The following MAP2K2 variants were observed in gnomAD, a reference collection of about 807,000 sequenced individuals.
MAP2K2 encodes mitogen-activated protein kinase kinase 2, also known as dual specificity mitogen-activated protein kinase kinase 2.
MAP2K2 carries 24 observed loss-of-function variants against 43.7 expected under a neutral mutation model. That is an observed-to-expected ratio of 0.55 (90% CI 0.40 to 0.77). The LOEUF is 0.77. Ranked by LOEUF, MAP2K2 falls within the 30% of genes least tolerant of loss-of-function variation. The probability of loss-of-function intolerance (pLI) is 0.00; values close to 1 mark genes in which losing one functional copy is unlikely to be tolerated. For missense variants in MAP2K2, 470 were observed against 566.8 expected, an observed-to-expected ratio of 0.83 and a Z score of 1.73; for synonymous variants, 244 against 239.7, an observed-to-expected ratio of 1.02 and a Z score of -0.17.
intron 8 of MAP2K2, 39 bp from the exon 9 acceptor site, chr19:4,095,488 T>A (rs1223649006): frequency 6.6e-7 from 1 of 1,523,612 alleles, no homozygotes. Flanking sequence ...GCCCTGGGCA[T>A]CGTCAGGGAC....
chr19:4,122,908 C>A (rs2041319160), intron 1 of MAP2K2, among the ~76,000 whole-genome samples: 1 of 151,604 alleles, frequency 6.6e-6, no homozygotes, highest in African/African-American at 2.4e-5. Flanking sequence ...AGGGACCCTA[C>A]CCCATCTCAG....
intron 3 of MAP2K2, chr19:4,103,152 C>A: frequency 2.0e-6 from 2 of 992,574 alleles, no homozygotes; most frequent in Non-Finnish European, 2.4e-6. Context: ...GTGACGGTAA[C>A]CTCGGCCCCT....
rs764715427 is a variant in MAP2K2, at chr19:4,115,552, C to A, written c.303+1867G>T. Among the ~76,000 whole-genome samples the A allele has an allele frequency of 2.6e-4, 39 of 152,298 alleles. No individual in the cohort carries two copies. The highest frequency in any genetic ancestry group is 3.1e-4 in the Non-Finnish European group (21 of 68,032). On this transcript the variant is annotated intron_variant, in intron 2 of 10. Transcript: ENST00000262948. This position sits in a 1 kb window ranked among gnomAD's most constrained non-coding sequence, Gnocchi z 4.1. Reference sequence around the variant, plus strand: ...CGGGCGGAGGCGGACCTGAGCTTTCCAAGGCTGCTCCGGTTTGGAAGAGGC... The same window carrying A: ...CGGGCGGAGGCGGACCTGAGCTTTCAAAGGCTGCTCCGGTTTGGAAGAGGC...
rs1460733952 is a variant in MAP2K2, at chr19:4,101,540, A to G, written c.529-260T>C. On this transcript the variant is annotated intron_variant, in intron 4 of 10. Coordinates refer to ENST00000262948, the MANE Select transcript of MAP2K2 (RefSeq NM_030662.4). The surrounding 1 kb of genome is among the most constrained non-coding windows in gnomAD (Gnocchi z 6.3). ...CCGATGCCACTACTGCCTTTGATTC[A>G]GAGCACACGGCTTAGCCCCAGGGAA... is the stretch of plus-strand genomic sequence containing the variant. Among the ~76,000 whole-genome samples the G allele has an allele frequency of 6.6e-6, 1 of 152,178 alleles. No homozygotes were observed. The highest frequency in any genetic ancestry group is 1.5e-5 in the Non-Finnish European group (1 of 68,018).
intron 1 of MAP2K2, among the ~76,000 whole-genome samples, chr19:4,118,504 G>A (rs748510518): frequency 1.3e-5 from 2 of 152,134 alleles, no homozygotes; most frequent in Admixed American, 6.6e-5. Context: ...GCTTGAACCC[G>A]GGAGGGGGAG....
At chr19:4,118,416 G>C (rs1373129585) in intron 1 of MAP2K2, among the ~76,000 whole-genome samples, 1 of 152,130 alleles carries the variant, frequency 6.6e-6, no homozygotes, top group Non-Finnish European at 1.5e-5. Context: ...AGAAGGCTCA[G>C]CACAAAAGCT....
At chr19:4,095,269 G>T in intron 9 of MAP2K2, 119 bp downstream of exon 9, 1 of 870,462 alleles carries the variant, frequency 1.1e-6, no homozygotes, top group Non-Finnish European at 1.8e-6. Flanking sequence ...GCTGAGTCCT[G>T]CCTAACGCTG....
intron 3 of MAP2K2, among the ~76,000 whole-genome samples, chr19:4,109,356 G>C (rs2041127704): frequency 6.6e-6 from 1 of 152,188 alleles, no homozygotes; most frequent in Admixed American, 6.5e-5. Flanking sequence ...TGGTCCCACA[G>C]ATCTGAGCTG....
intron 2 of MAP2K2, 104 bp downstream of exon 2, chr19:4,117,315 A>G: frequency 9.3e-7 from 1 of 1,075,928 alleles, no homozygotes; most frequent in Non-Finnish European, 1.4e-6. Context: ...CAGAGCCTGG[A>G]GCTAATCAGA....
At chr19:4,111,161 G>T (rs973447114) in intron 2 of MAP2K2, among the ~76,000 whole-genome samples, 7 of 152,170 alleles carry the variant, frequency 4.6e-5, no homozygotes, top group Non-Finnish European at 1.0e-4. Flanking sequence ...TGCTGATGTG[G>T]ACAGGGTTCT....
At chr19:4,091,219 G>C (rs916062782) in intron 10 of MAP2K2, among the ~76,000 whole-genome samples, 1 of 152,232 alleles carries the variant, frequency 6.6e-6, no homozygotes, top group Non-Finnish European at 1.5e-5. Flanking sequence ...AGAACTCCGC[G>C]AAGAGCATTG....
chr19:4,102,088 A>G (rs1372726403), intron 4 of MAP2K2, among the ~76,000 whole-genome samples: 3 of 152,160 alleles, frequency 2.0e-5, no homozygotes, highest in Non-Finnish European at 4.4e-5. Flanking sequence ...CCAGCTGCCA[A>G]CATCCCCCTG....
intron 6 of MAP2K2, chr19:4,099,773 C>T: frequency 3.0e-6 from 1 of 334,560 alleles, no homozygotes; most frequent in East Asian, 4.9e-5. Context: ...TGCTGAATCC[C>T]CAGTCGTTTC....
chr19:4,094,927 C>T (rs575993968), intron 9 of MAP2K2: 11 of 361,090 alleles, frequency 3.0e-5, no homozygotes, highest in African/African-American at 6.0e-5. Context: ...CTGTGGGCAG[C>T]GGGGTGTCCG....
chr19:4,115,242 A>G lies in MAP2K2; in HGVS notation c.303+2177T>C, dbSNP rs1227798161. Among the ~76,000 whole-genome samples the G allele has an allele frequency of 1.3e-5, 2 of 152,100 alleles. No homozygotes were observed. The highest frequency in any genetic ancestry group is 2.4e-5 in the African/African-American group (1 of 41,432). The stretch of plus-strand genomic sequence containing the variant: ...GGGACATCTCCACCCACCAGACCAC[A>G]GAACCTGCCCAGCCACGCCTGCCCT... On this transcript the variant is annotated intron_variant, in intron 2 of 10. Coordinates refer to ENST00000262948, the MANE Select transcript of MAP2K2 (RefSeq NM_030662.4). The surrounding 1 kb of genome is among the most constrained non-coding windows in gnomAD (Gnocchi z 4.1).
intron 7 of MAP2K2, among the ~76,000 whole-genome samples, chr19:4,098,946 T>C (rs1568252075): frequency 6.6e-6 from 1 of 152,248 alleles, no homozygotes; most frequent in African/African-American, 2.4e-5. Context: ...GTGGCAAAGC[T>C]GCGCTCCCAG....
At position 4,101,903 on chromosome 19, in the gene MAP2K2, G is replaced by A. The variant is rs1314184177; in HGVS notation, c.528+473C>T. On this transcript the variant is annotated intron_variant, in intron 4 of 10. Coordinates refer to ENST00000262948, the MANE Select transcript of MAP2K2 (RefSeq NM_030662.4). The surrounding 1 kb of genome is among the most constrained non-coding windows in gnomAD (Gnocchi z 6.3). ...GCAAGCTCCAAGAAGCAACACGCAC[G>A]GTCTGCTGAAACCACACGGCTCTAC... 6.6e-6 allele frequency among the ~76,000 whole-genome samples: 1 copy of A among 152,146 alleles called. No homozygotes were observed. The highest frequency in any genetic ancestry group is 1.5e-5 in the Non-Finnish European group (1 of 68,008).
intron 2 of MAP2K2, 83 bp from the exon 3 acceptor site, chr19:4,110,738 T>C (rs2145070794): frequency 6.7e-7 from 1 of 1,491,312 alleles, no homozygotes; most frequent in East Asian, 2.3e-5. Flanking sequence ...TCTGCAGGCG[T>C]TCCCAACAGT....
intron 10 of MAP2K2, among the ~76,000 whole-genome samples, chr19:4,090,939 G>T (rs2040849010): frequency 2.0e-5 from 3 of 152,218 alleles, no homozygotes; most frequent in African/African-American, 7.2e-5. Flanking sequence ...CACTCCACCT[G>T]GGGCGGGGAC....
Sources: allele counts gnomAD v4.1 joint callset (sites outside exome capture counted in the v4.1 genomes callset), GRCh38; gene constraint gnomAD v4.1.1; non-coding constraint Gnocchi (gnomAD v3.1); transcripts MANE v1.5; gene names NCBI Gene and HGNC (gene_info 2026-07-23, HGNC 2026-07-21).